Variants in USH2A observed in about 807,000 individuals in gnomAD.
USH2A encodes the protein Usher syndrome 2A (autosomal recessive, mild).
A neutral mutation model predicts 538.9 loss-of-function variants in USH2A; 443 were observed. The ratio of observed to expected loss-of-function variants is 0.82; its 90% CI spans 0.76 to 0.89. The LOEUF (loss-of-function observed/expected upper bound fraction) is 0.89. USH2A is among the 40% of genes least tolerant of loss of function. USH2A has a pLI of 0.00. For missense variants in USH2A, 6,633 were observed against 6,324.8 expected (o/e 1.05, Z -1.65); for synonymous variants, 2,413 against 2,273.5 (o/e 1.06, Z -1.75).
At chr1:215,883,745 A>G (rs954570178) in intron 41 of USH2A, among the ~76,000 whole-genome samples, 1 of 152,146 alleles carries the variant, frequency 6.6e-6, no homozygotes, top group Non-Finnish European at 1.5e-5. Context: ...GTTGGTTCCA[A>G]TGACCATTTG....
Position 216,409,419 on chromosome 1 carries a change from G to T in USH2A, c.651+9095C>A, listed in dbSNP as rs576065413. On this transcript the variant is annotated intron_variant, in intron 3 of 71. Transcript: ENST00000307340. ...ATAAAACCAAAAATGAGCCCAAATA[G>T]ACAGAGAATCCTACACAAAAATAAC... 7.0e-4 allele frequency among the ~76,000 whole-genome samples: 106 copies of T among 152,036 alleles called. 1 individual carries two copies. Among genetic ancestry groups the T allele is most frequent in the African/African-American group, 2.4e-3 (100 of 41,506 alleles).
intron 30 of USH2A, among the ~76,000 whole-genome samples, chr1:216,069,499 T>A (rs1404245168): frequency 6.6e-6 from 1 of 152,224 alleles, no homozygotes; most frequent in East Asian, 1.9e-4. Context: ...CCTTTAAATG[T>A]GCTTTAATAT....
At chr1:216,050,827 G>A (rs571648701) in intron 30 of USH2A, among the ~76,000 whole-genome samples, 5 of 151,060 alleles carry the variant, frequency 3.3e-5, no homozygotes, top group Admixed American at 6.6e-5. Flanking sequence ...GGATGGTCTC[G>A]ATCTCCTGAC....
chr1:215,941,017 G>A (rs534079407), intron 37 of USH2A, among the ~76,000 whole-genome samples: 12 of 151,974 alleles, frequency 7.9e-5, no homozygotes, highest in African/African-American at 2.2e-4. Context: ...TCTAAATATC[G>A]CAAATTATTT....
At chr1:216,238,408 A>G (rs963759637) in intron 13 of USH2A, among the ~76,000 whole-genome samples, 1 of 152,146 alleles carries the variant, frequency 6.6e-6, no homozygotes, top group African/African-American at 2.4e-5. Flanking sequence ...AAGGTCATCC[A>G]GCACTGAAAA....
chr1:216,177,859 T>C (rs371416333), intron 20 of USH2A, among the ~76,000 whole-genome samples: 15 of 152,252 alleles, frequency 9.9e-5, no homozygotes, highest in African/African-American at 3.6e-4. Flanking sequence ...CTGCTGGATT[T>C]GAGAGGTGAA....
At chr1:215,950,539 C>T (rs1240944126) in intron 37 of USH2A, among the ~76,000 whole-genome samples, 1 of 144,760 alleles carries the variant, frequency 6.9e-6, no homozygotes, top group Admixed American at 7.1e-5. Flanking sequence ...CAGAGTCTCG[C>T]TCTGTCACCC....
At chr1:215,875,735 T>C (rs1664744915) in intron 43 of USH2A, among the ~76,000 whole-genome samples, 3 of 151,678 alleles carry the variant, frequency 2.0e-5, no homozygotes, top group Non-Finnish European at 2.9e-5. Flanking sequence ...AAGTTCTATT[T>C]ATTTTTTGAA....
At chr1:215,940,565 T>G (rs1666608234) in intron 37 of USH2A, among the ~76,000 whole-genome samples, 1 of 152,126 alleles carries the variant, frequency 6.6e-6, no homozygotes, top group African/African-American at 2.4e-5. Flanking sequence ...TAATATATGG[T>G]GAAAGAAATC....
In USH2A at chr1:215,647,626, A is replaced by G. The variant is rs1656899311; in HGVS notation, c.14687T>C (p.Leu4896Pro). ...KYTGLGQKAS[L>P]GGLQPYTTYK... ...TGTGGTGTAGGGCTGGAGACCCCCAAGGCTGGCTTTCTGCCCCAGCCCCGT... is the reference window on the plus strand; with the variant it reads ...TGTGGTGTAGGGCTGGAGACCCCCAGGGCTGGCTTTCTGCCCCAGCCCCGT... Residue 4896 changes from leucine to proline, a missense_variant, in exon 67 of 72, where the codon CTT (leucine) becomes CCT (proline). Leu to Pro is a moderately conservative substitution (Grantham distance 98, BLOSUM62 -3). Coordinates refer to ENST00000307340, the MANE Select transcript of USH2A (RefSeq NM_206933.4). The G allele has an allele frequency of 1.2e-6, 2 of 1,614,114 alleles. No homozygotes were observed. Among genetic ancestry groups the G allele is most frequent in the South Asian group, 2.2e-5 (2 of 91,074 alleles).
At chr1:216,295,362 A>C (rs1398736495) in intron 9 of USH2A, among the ~76,000 whole-genome samples, 1 of 151,786 alleles carries the variant, frequency 6.6e-6, no homozygotes, top group East Asian at 1.9e-4. Context: ...AATAAAGCCA[A>C]GTAAAAAAAA....
intron 20 of USH2A, among the ~76,000 whole-genome samples, chr1:216,185,591 T>C (rs2034583101): frequency 6.6e-6 from 1 of 151,894 alleles, no homozygotes; most frequent in African/African-American, 2.4e-5. Context: ...AAGAGTTAAA[T>C]TTCCCACAAA....
intron 32 of USH2A, among the ~76,000 whole-genome samples, chr1:216,023,464 A>AAAAAAAAAAAAAAAAAAAAAAAAAT: frequency 9.9e-6 from 1 of 100,714 alleles, no homozygotes; most frequent in South Asian, 4.2e-4. Flanking sequence ...GCAGACAAAA[A>AAAAAAAAAAAAAAAAAAAAAAAAAT]AAAAAAAAAA....
intron 61 of USH2A, among the ~76,000 whole-genome samples, chr1:215,717,684 C>T (rs891411201): frequency 6.6e-6 from 1 of 152,090 alleles, no homozygotes; most frequent in Non-Finnish European, 1.5e-5. Context: ...AATGGAAGAG[C>T]CCTGTATTTC....
intron 19 of USH2A, among the ~76,000 whole-genome samples, chr1:216,193,790 G>A (rs1036311928): frequency 2.0e-5 from 3 of 152,012 alleles, no homozygotes; most frequent in Admixed American, 6.6e-5. Context: ...AGAGCCTGTG[G>A]GGGACCTGGC....
chr1:216,411,010 T>C (rs2039480961), intron 3 of USH2A, among the ~76,000 whole-genome samples: 1 of 152,106 alleles, frequency 6.6e-6, no homozygotes, highest in African/African-American at 2.4e-5. Context: ...TCTGTGCATA[T>C]CATACGTTTT....
intron 30 of USH2A, among the ~76,000 whole-genome samples, chr1:216,060,122 C>T (rs1332086840): frequency 6.6e-6 from 1 of 151,912 alleles, no homozygotes; most frequent in Non-Finnish European, 1.5e-5. Context: ...TGAAAGTATT[C>T]CAGTCTAAGC....
intron 40 of USH2A, among the ~76,000 whole-genome samples, chr1:215,892,028 G>T (rs1665223097): frequency 6.6e-6 from 1 of 152,080 alleles, no homozygotes; most frequent in African/African-American, 2.4e-5. Flanking sequence ...AAACTATTTT[G>T]CTCATCAGCT....
intron 70 of USH2A, among the ~76,000 whole-genome samples, chr1:215,632,127 A>C (rs1010840383): frequency 6.6e-6 from 1 of 151,772 alleles, no homozygotes; most frequent in Non-Finnish European, 1.5e-5. Context: ...CAGTGGCGTG[A>C]TCTCGGTTCA....
Sources: gnomAD v4.1 joint callset for allele counts (sites outside exome capture counted in the v4.1 genomes callset) on GRCh38, gnomAD v4.1.1 for gene constraint, MANE v1.5 for transcripts, NCBI Gene and HGNC (gene_info 2026-07-23, HGNC 2026-07-21) for gene names.